AMOTL1: variants seen among roughly 807,000 people sequenced by gnomAD.
The protein encoded by AMOTL1 is angiomotin like 1.
AMOTL1 carries 45 observed loss-of-function variants against 102.9 expected under a neutral mutation model. That is an observed-to-expected ratio of 0.44 (90% CI 0.34 to 0.56). The LOEUF (loss-of-function observed/expected upper bound fraction) is 0.56, where lower values mean the gene tolerates loss of function less well. Ranked by LOEUF, AMOTL1 falls within the 20% of genes least tolerant of loss-of-function variation. The probability of loss-of-function intolerance (pLI) is 0.01; values close to 1 mark genes in which losing one functional copy is unlikely to be tolerated. For synonymous variants in AMOTL1, 481 were observed against 484.7 expected, an observed-to-expected ratio of 0.99 and a Z score of 0.10; for missense variants, 1,114 against 1,225.6, an observed-to-expected ratio of 0.91 and a Z score of 1.36.
chr11:94,712,551 C>A (rs1565323016), intron 1 of AMOTL1, among the ~76,000 whole-genome samples: 1 of 151,936 alleles, frequency 6.6e-6, no homozygotes, highest in Admixed American at 6.6e-5. Flanking sequence ...GACAGACAAC[C>A]TATAGAATGG....
At chr11:94,833,435 C>T (rs1198135656) in intron 6 of AMOTL1, among the ~76,000 whole-genome samples, 1 of 152,140 alleles carries the variant, frequency 6.6e-6, no homozygotes, top group Admixed American at 6.5e-5. Flanking sequence ...ATTAGCATGT[C>T]CCCCACATAT....
chr11:94,763,027 T>C (rs73512507), intron 3 of AMOTL1, among the ~76,000 whole-genome samples: 6,484 of 152,272 alleles, frequency 0.043, 455 homozygotes, highest in African/African-American at 0.14. Flanking sequence ...ACTTTTTTCA[T>C]AATCCACACA....
chr11:94,717,554 C>T (rs542684866), intron 1 of AMOTL1, among the ~76,000 whole-genome samples: 9 of 151,506 alleles, frequency 5.9e-5, no homozygotes, highest in Admixed American at 1.3e-4. Flanking sequence ...CAAATAAATT[C>T]CTGATTAATA....
At chr11:94,729,393 C>T (rs886280925) in intron 2 of AMOTL1, among the ~76,000 whole-genome samples, 1 of 152,190 alleles carries the variant, frequency 6.6e-6, no homozygotes, top group African/African-American at 2.4e-5. Flanking sequence ...CATCTTTGAG[C>T]ACCTAACATG....
chr11:94,745,429 G>T (rs1012244045), intron 3 of AMOTL1, among the ~76,000 whole-genome samples: 59 of 151,864 alleles, frequency 3.9e-4, no homozygotes, highest in African/African-American at 1.4e-3. Context: ...ATGGTTAAAA[G>T]GTATTTATTA....
intron 1 of AMOTL1, among the ~76,000 whole-genome samples, chr11:94,726,719 T>C (rs951602485): frequency 5.3e-5 from 8 of 152,168 alleles, no homozygotes; most frequent in Non-Finnish European, 8.8e-5. Flanking sequence ...AGAAATTCTT[T>C]AGTAAGTTAT....
chr11:94,873,678 G>C lies in AMOTL1; in HGVS notation c.*2883G>C, dbSNP rs1953043359. The stretch of plus-strand genomic sequence containing the variant: ...GATGATTTAAAACAAAGTTTGGAGA[G>C]GCACTGGGCATAGACCCTGGCTGTA... On this transcript the variant is annotated 3_prime_UTR_variant, in exon 13 of 13. Coordinates refer to ENST00000433060, the MANE Select transcript of AMOTL1 (RefSeq NM_130847.3). 1.3e-5 allele frequency: 2 copies of C among 152,208 alleles called. No individual in the cohort carries two copies. Among genetic ancestry groups the C allele is most frequent in the Non-Finnish European group, 2.9e-5 (2 of 68,052 alleles). The allele number at this position is 152,208 out of a possible 1,614,324, so 9.4% of individuals were successfully genotyped here.
intron 1 of AMOTL1, among the ~76,000 whole-genome samples, chr11:94,725,303 T>C (rs2851587): frequency 0.47 from 70,680 of 151,850 alleles, 18,511 homozygotes; most frequent in Non-Finnish European, 0.58. Flanking sequence ...CCAGGAAGCA[T>C]AGGCAGCTTG....
Position 94,795,027 on chromosome 11 carries a change from T to TG in AMOTL1, c.66_67insG (p.Tyr23ValfsTer2), listed in dbSNP as rs769802848. ...TTCCCCCAGGGTCCCCTTCTGCTTG[T>TG]TATAGCCCCAGTAGTCCTGTCCAGG... On this transcript the variant is annotated frameshift_variant, in exon 2 of 13. Transcript: ENST00000433060. LOFTEE classifies it high-confidence loss of function. 4.3e-6 allele frequency: 7 copies of TG among 1,610,358 alleles called. No individual in the cohort carries two copies. Among genetic ancestry groups the TG allele is most frequent in the Non-Finnish European group, 5.9e-6 (7 of 1,178,942 alleles).
intron 1 of AMOTL1, among the ~76,000 whole-genome samples, chr11:94,726,055 T>C (rs565520214): frequency 6.6e-6 from 1 of 152,242 alleles, no homozygotes; most frequent in South Asian, 2.1e-4. Context: ...GCAGATGGAT[T>C]ATTGAGACAT....
chr11:94,810,999 T>C (rs923628630), intron 3 of AMOTL1, among the ~76,000 whole-genome samples: 1 of 152,040 alleles, frequency 6.6e-6, no homozygotes, highest in Non-Finnish European at 1.5e-5. Flanking sequence ...TCAAAACTAA[T>C]ACAAATGTCA....
intron 3 of AMOTL1, among the ~76,000 whole-genome samples, chr11:94,762,638 T>C (rs1320536766): frequency 6.6e-6 from 1 of 152,242 alleles, no homozygotes; most frequent in Non-Finnish European, 1.5e-5. Flanking sequence ...GAATATCTAC[T>C]CCATGTCGGA....
intron 2 of AMOTL1, chr11:94,729,068 T>C: frequency 7.8e-7 from 1 of 1,288,362 alleles, no homozygotes; most frequent in Non-Finnish European, 1.0e-6. Flanking sequence ...AAGGCCGTTT[T>C]TGATGTCCCT....
upstream of AMOTL1, among the ~76,000 whole-genome samples, chr11:94,766,666 C>T (rs542698879): frequency 5.4e-4 from 82 of 152,296 alleles, no homozygotes; most frequent in Admixed American, 1.6e-3. Flanking sequence ...ATAACCACTT[C>T]AGCTCCTAAT....
At chr11:94,759,158 C>T (rs376914877) in intron 3 of AMOTL1, among the ~76,000 whole-genome samples, 1 of 152,256 alleles carries the variant, frequency 6.6e-6, no homozygotes, top group East Asian at 1.9e-4. Flanking sequence ...TCACTGGATT[C>T]ACCTAGCATT....
At chr11:94,758,085 T>G (rs1950748312) in intron 3 of AMOTL1, among the ~76,000 whole-genome samples, 1 of 152,150 alleles carries the variant, frequency 6.6e-6, no homozygotes, top group Non-Finnish European at 1.5e-5. Flanking sequence ...AGGCAAGAGT[T>G]CTGCAAAAAC....
At chr11:94,713,595 T>G (rs1421062680) in intron 1 of AMOTL1, among the ~76,000 whole-genome samples, 1 of 151,968 alleles carries the variant, frequency 6.6e-6, no homozygotes, top group Non-Finnish European at 1.5e-5. Flanking sequence ...TCTGTAGGTA[T>G]TTTGTTAAAT....
At chr11:94,724,543 C>A (rs1950224945) in intron 1 of AMOTL1, among the ~76,000 whole-genome samples, 1 of 152,088 alleles carries the variant, frequency 6.6e-6, no homozygotes. Flanking sequence ...ATTCCAACTT[C>A]CAGATTTCAT....
intron 12 of AMOTL1, 89 bp downstream of exon 12, chr11:94,869,562 G>T (rs975601687): frequency 7.7e-6 from 11 of 1,429,154 alleles, no homozygotes; most frequent in Non-Finnish European, 1.0e-5. Flanking sequence ...GAGGAAGCAG[G>T]GGCACCCATC....
Sources: gnomAD v4.1 joint callset for allele counts (sites outside exome capture counted in the v4.1 genomes callset) on GRCh38, gnomAD v4.1.1 for gene constraint, MANE v1.5 for transcripts, NCBI Gene and HGNC (gene_info 2026-07-23, HGNC 2026-07-21) for gene names.